Variants in PLCB1 observed in about 807,000 individuals in gnomAD.
The protein encoded by PLCB1 is 1-phosphatidylinositol 4,5-bisphosphate phosphodiesterase beta-1.
PLCB1 carries 46 observed loss-of-function variants against 161.8 expected under a neutral mutation model. The observed-to-expected ratio is 0.28, with a 90% CI of 0.22 to 0.36. The LOEUF (loss-of-function observed/expected upper bound fraction) is 0.36. Among genes scored for constraint, PLCB1 ranks in the 10% least tolerant of loss-of-function variants. The probability of loss-of-function intolerance (pLI) is 1.00; values close to 1 mark genes in which losing one functional copy is unlikely to be tolerated. For missense variants in PLCB1, 1,016 were observed against 1,472.5 expected, an observed-to-expected ratio of 0.69 and a Z score of 5.07; for synonymous variants, 517 against 503.7, an observed-to-expected ratio of 1.03 and a Z score of -0.35.
chr20:8,805,935 T>C (rs1984516369), intron 31 of PLCB1, among the ~76,000 whole-genome samples: 1 of 152,158 alleles, frequency 6.6e-6, no homozygotes, highest in South Asian at 2.1e-4. Flanking sequence ...TCTCTTTGAG[T>C]GGCTAGAAGG....
At chr20:8,850,277 G>A (rs548464727) in intron 31 of PLCB1, among the ~76,000 whole-genome samples, 2 of 152,234 alleles carry the variant, frequency 1.3e-5, no homozygotes, top group South Asian at 2.1e-4. Context: ...TTTTCTAATC[G>A]TGCTTCCAGA....
At chr20:8,288,830 T>G (rs1326708775) in intron 2 of PLCB1, among the ~76,000 whole-genome samples, 1 of 152,210 alleles carries the variant, frequency 6.6e-6, no homozygotes, top group African/African-American at 2.4e-5. Flanking sequence ...TACTCTGTTA[T>G]GTATAGTCAT....
chr20:8,634,133 CT>C (rs1470824662), intron 4 of PLCB1, among the ~76,000 whole-genome samples: 3 of 152,132 alleles, frequency 2.0e-5, no homozygotes, highest in Non-Finnish European at 2.9e-5. Context: ...GTGTGTACTG[CT>C]TTGATAGATA....
At chr20:8,589,775 C>T (rs143634769) in intron 3 of PLCB1, among the ~76,000 whole-genome samples, 63 of 151,980 alleles carry the variant, frequency 4.1e-4, no homozygotes, top group Admixed American at 3.1e-3. Flanking sequence ...GCCACCATGC[C>T]AGGCTAATAT....
intron 3 of PLCB1, among the ~76,000 whole-genome samples, chr20:8,390,830 C>T (rs1240410509): frequency 1.3e-5 from 2 of 151,922 alleles, no homozygotes; most frequent in Non-Finnish European, 2.9e-5. Flanking sequence ...AGCCAAGCCA[C>T]AACACCAATA....
intron 3 of PLCB1, among the ~76,000 whole-genome samples, chr20:8,543,561 C>G (rs1305806894): frequency 6.8e-6 from 1 of 146,278 alleles, no homozygotes. Context: ...CAAAACTCAT[C>G]TATTGGTGCA....
intron 4 of PLCB1, 183 bp downstream of exon 4, chr20:8,628,614 A>T (rs1988430528): frequency 6.6e-6 from 4 of 603,144 alleles, no homozygotes; most frequent in Non-Finnish European, 1.1e-5. Flanking sequence ...CATCAACTTA[A>T]GAATTATGGA....
chr20:8,243,431 G>T lies in PLCB1; in HGVS notation c.177+93060G>T, dbSNP rs1216585257. ...GGTCTGAAAGAATGGTTGTATTTTGGCCAAACCATGAACTTCTTTTTGAGA... is the reference window on the plus strand; with the variant it reads ...GGTCTGAAAGAATGGTTGTATTTTGTCCAAACCATGAACTTCTTTTTGAGA... On this transcript the variant is annotated intron_variant, in intron 2 of 31. Coordinates refer to ENST00000338037, the MANE Select transcript of PLCB1 (RefSeq NM_015192.4). Among the ~76,000 whole-genome samples the T allele has an allele frequency of 2.6e-5, 4 of 151,922 alleles. No individual in the cohort carries two copies. In the South Asian group the frequency reaches 8.3e-4, roughly 32 times the overall value.
At chr20:8,631,557 A>AATC (rs1988589862) in intron 4 of PLCB1, among the ~76,000 whole-genome samples, 1 of 152,230 alleles carries the variant, frequency 6.6e-6, no homozygotes, top group Non-Finnish European at 1.5e-5. Context: ...CTTGCAGAGC[A>AATC]GAATCAGCAC....
chr20:8,180,874 TATG>T (rs1049437846), intron 2 of PLCB1, among the ~76,000 whole-genome samples: 20 of 152,226 alleles, frequency 1.3e-4, no homozygotes, highest in African/African-American at 4.6e-4. Context: ...AGGAAATACT[TATG>T]AGACATTAAA....
At chr20:8,858,333 A>G (rs1194821864) in intron 31 of PLCB1, among the ~76,000 whole-genome samples, 1 of 152,220 alleles carries the variant, frequency 6.6e-6, no homozygotes, top group Admixed American at 6.5e-5. Flanking sequence ...TCTAAATATC[A>G]CAAACTCAGG....
At chr20:8,364,613 G>T (rs1386916173) in intron 2 of PLCB1, among the ~76,000 whole-genome samples, 1 of 152,166 alleles carries the variant, frequency 6.6e-6, no homozygotes, top group Non-Finnish European at 1.5e-5. Context: ...AACATCTTCA[G>T]CAGGGTGTCA....
intron 3 of PLCB1, among the ~76,000 whole-genome samples, chr20:8,476,253 A>G (rs1982274809): frequency 6.6e-6 from 1 of 152,202 alleles, no homozygotes; most frequent in South Asian, 2.1e-4. Flanking sequence ...TGGATTCTGT[A>G]CCTCAATCCT....
At chr20:8,684,267 T>TA (rs10672675) in intron 9 of PLCB1, among the ~76,000 whole-genome samples, 1,654 of 147,680 alleles carry the variant, frequency 0.011, 42 homozygotes, top group East Asian at 0.1. Context: ...TTTATTTATT[T>TA]TTATTTTGAG....
intron 2 of PLCB1, among the ~76,000 whole-genome samples, chr20:8,258,393 A>G (rs962198792): frequency 6.6e-6 from 1 of 152,138 alleles, no homozygotes; most frequent in African/African-American, 2.4e-5. Context: ...GTGCTATAGA[A>G]TCTTTACTAC....
chr20:8,825,186 A>AC (rs765338733), intron 31 of PLCB1, among the ~76,000 whole-genome samples: 25 of 152,102 alleles, frequency 1.6e-4, no homozygotes, highest in East Asian at 7.7e-4. Context: ...AGTGAAATTT[A>AC]CCCCCCCAAA....
chr20:8,371,322 A>G, intron 2 of PLCB1, 60 bp from the exon 3 acceptor site: 2 of 1,161,096 alleles, frequency 1.7e-6, no homozygotes, highest in Non-Finnish European at 2.5e-6. Flanking sequence ...TGTCAATGAC[A>G]TAAAACAAAG....
intron 3 of PLCB1, among the ~76,000 whole-genome samples, chr20:8,379,692 C>T (rs1279326769): frequency 6.6e-6 from 1 of 152,176 alleles, no homozygotes; most frequent in Non-Finnish European, 1.5e-5. Flanking sequence ...TTGCATTTCT[C>T]TAATGATCAG....
intron 2 of PLCB1, among the ~76,000 whole-genome samples, chr20:8,239,058 T>TA (rs1341509538): frequency 6.6e-6 from 1 of 151,694 alleles, no homozygotes; most frequent in African/African-American, 2.4e-5. Flanking sequence ...AAAGAGGGGA[T>TA]AGTTGAGTAA....
Sources: gnomAD v4.1 joint callset for allele counts (sites outside exome capture counted in the v4.1 genomes callset) on GRCh38, gnomAD v4.1.1 for gene constraint, MANE v1.5 for transcripts, NCBI Gene and HGNC (gene_info 2026-07-23, HGNC 2026-07-21) for gene names.